The following BICD1 variants were observed in gnomAD, a reference collection of about 807,000 sequenced individuals.
The protein encoded by BICD1 is BICD cargo adaptor 1, also known as protein bicaudal D homolog 1.
A neutral mutation model predicts 92.5 loss-of-function variants in BICD1; 35 were observed. The observed-to-expected ratio is 0.38, with a 90% confidence interval of 0.29 to 0.50. The LOEUF (loss-of-function observed/expected upper bound fraction) is 0.50, where lower values mean the gene tolerates loss of function less well. BICD1 is among the 20% of genes least tolerant of loss of function. The pLI, the probability that BICD1 is intolerant of heterozygous loss-of-function variation, is 0.93. For synonymous variants in BICD1, 429 were observed against 465.1 expected (o/e 0.92, Z 1.00); for missense variants, 950 against 1,189.8 (o/e 0.80, Z 2.97).
intron 2 of BICD1, among the ~76,000 whole-genome samples, chr12:32,288,437 G>T: frequency 6.6e-6 from 1 of 151,746 alleles, no homozygotes; most frequent in East Asian, 1.9e-4. Context: ...TAATCTTCTG[G>T]ATGGGGCTCA....
chr12:32,195,746 G>A (rs1458006301), intron 1 of BICD1, among the ~76,000 whole-genome samples: 1 of 151,994 alleles, frequency 6.6e-6, no homozygotes, highest in East Asian at 1.9e-4. Context: ...GACAACAAAA[G>A]CACAGGCAAC....
chr12:32,308,158 A>T (rs1370108022), intron 4 of BICD1, among the ~76,000 whole-genome samples: 2 of 152,264 alleles, frequency 1.3e-5, no homozygotes, highest in Non-Finnish European at 2.9e-5. Flanking sequence ...GTAAGTACTC[A>T]GCTGGAGACT....
At chr12:32,192,453 A>AATAGATAGATAGATAG (rs66461342) in intron 1 of BICD1, among the ~76,000 whole-genome samples, 1 of 149,068 alleles carries the variant, frequency 6.7e-6, no homozygotes, top group Non-Finnish European at 1.5e-5. Flanking sequence ...TAAATAAATA[A>AATAGATAGATAGATAG]ATAGATAGAT....
At chr12:32,257,861 T>C (rs1377088023) in intron 2 of BICD1, among the ~76,000 whole-genome samples, 1 of 152,200 alleles carries the variant, frequency 6.6e-6, no homozygotes, top group Non-Finnish European at 1.5e-5. Flanking sequence ...ATATATATAA[T>C]ATATAGATGA....
At chr12:32,192,852 G>C (rs1000428290) in intron 1 of BICD1, among the ~76,000 whole-genome samples, 2 of 152,216 alleles carry the variant, frequency 1.3e-5, no homozygotes. Flanking sequence ...CAGCAAGAGA[G>C]CTAGAATTAG....
At chr12:32,197,540 G>A (rs1445733793) in intron 1 of BICD1, among the ~76,000 whole-genome samples, 3 of 152,174 alleles carry the variant, frequency 2.0e-5, no homozygotes, top group Admixed American at 2.0e-4. Context: ...TAAAGTGGAG[G>A]AAGTAACTGA....
At chr12:32,157,376 T>C (rs1943471274) in intron 1 of BICD1, among the ~76,000 whole-genome samples, 1 of 152,194 alleles carries the variant, frequency 6.6e-6, no homozygotes, top group Non-Finnish European at 1.5e-5. Flanking sequence ...TTACCCTCTA[T>C]TGAAGGGATG....
intron 1 of BICD1, among the ~76,000 whole-genome samples, chr12:32,143,115 C>T (rs1942998254): frequency 6.6e-6 from 1 of 152,100 alleles, no homozygotes; most frequent in Non-Finnish European, 1.5e-5. Flanking sequence ...TCTATATAAC[C>T]TTTCTGAAAA....
At chr12:32,295,081 C>T (rs1189822057) in intron 3 of BICD1, among the ~76,000 whole-genome samples, 3 of 41,888 alleles carry the variant, frequency 7.2e-5, no homozygotes, top group Non-Finnish European at 9.8e-5. Flanking sequence ...GATTCCGTCT[C>T]GAAAAAAAAA....
At chr12:32,220,204 C>T (rs1417046692) in intron 2 of BICD1, among the ~76,000 whole-genome samples, 3 of 152,154 alleles carry the variant, frequency 2.0e-5, no homozygotes, top group African/African-American at 7.2e-5. Flanking sequence ...ATGTATAAAA[C>T]ACCAAAAGCA....
At chr12:32,357,442 G>A (rs1004976646) in intron 8 of BICD1, among the ~76,000 whole-genome samples, 1 of 152,042 alleles carries the variant, frequency 6.6e-6, no homozygotes, top group Non-Finnish European at 1.5e-5. Context: ...AGAGAATTTG[G>A]GCTGTTCTTG....
intron 2 of BICD1, among the ~76,000 whole-genome samples, chr12:32,258,960 T>C (rs140186199): frequency 0.011 from 1,611 of 152,226 alleles, 18 homozygotes; most frequent in African/African-American, 0.027. Context: ...AAGAAGCTGG[T>C]GGAGCAGAGT....
In BICD1 at chr12:32,380,053, C is replaced by A. The variant is rs1419722463; in HGVS notation, c.*2426C>A. On this transcript the variant is annotated 3_prime_UTR_variant, in exon 10 of 10. Coordinates refer to ENST00000652176, the MANE Select transcript of BICD1 (RefSeq NM_001714.4). Reference sequence around the variant, plus strand: ...CTTCATAGAGTGGGAAAGTCTTTTTCTGAAATACTAATTCTATGAAAATAA... The same window carrying A: ...CTTCATAGAGTGGGAAAGTCTTTTTATGAAATACTAATTCTATGAAAATAA... The A allele has an allele frequency of 2.0e-5, 3 of 152,106 alleles. No homozygotes were observed. Among genetic ancestry groups the A allele is most frequent in the Admixed American group, 6.6e-5 (1 of 15,254 alleles). 9.4% of individuals were successfully genotyped at this position (152,106 alleles called of 1,614,324 possible).
intron 8 of BICD1, among the ~76,000 whole-genome samples, chr12:32,347,202 C>A (rs1254995140): frequency 1.3e-5 from 2 of 151,704 alleles, no homozygotes; most frequent in Non-Finnish European, 2.9e-5. Context: ...CCTCCTGCCT[C>A]AGCCTTCCAA....
intron 9 of BICD1, among the ~76,000 whole-genome samples, chr12:32,371,889 T>TA (rs1221455679): frequency 2.6e-5 from 4 of 152,142 alleles, no homozygotes; most frequent in Non-Finnish European, 4.4e-5. Flanking sequence ...CACCTGGTCT[T>TA]ACACCCATTT....
chr12:32,274,752 C>T (rs973690080), intron 2 of BICD1, among the ~76,000 whole-genome samples: 1 of 152,138 alleles, frequency 6.6e-6, no homozygotes, highest in Admixed American at 6.5e-5. Context: ...TTAGAAGTAG[C>T]AAAGCATAGT....
In BICD1 at chr12:32,118,091, A is replaced by ATTTTATTTTATTTTATTTTATTT. The variant is rs1555126592; in HGVS notation, c.213+10551_213+10552insATTTTATTTTATTTTATTTTTTT. On this transcript the variant is annotated intron_variant, in intron 1 of 9. Transcript: ENST00000652176. ...TATTTTATTTTATTTTATTTTATTT[A>ATTTTATTTTATTTTATTTTATTT]TTTTTTTTGAGATGGAGTCTCACTC... Among the ~76,000 whole-genome samples, 42 of 46,870 alleles carry ATTTTATTTTATTTTATTTTATTT rather than the reference A, an allele frequency of 9.0e-4. 1 individual carries two copies. Among genetic ancestry groups the ATTTTATTTTATTTTATTTTATTT allele is most frequent in the African/African-American group, 1.9e-3 (29 of 14,968 alleles). The allele number at this position is 46,870 out of a possible 152,430, so 30.7% of individuals were successfully genotyped here. A position where few individuals can be genotyped will look rare whatever the true frequency, so the allele number is the denominator to read the frequency against.
chr12:32,252,015 T>TATTATATATTTATAATATATATTTATAAG (rs1344963798), intron 2 of BICD1, among the ~76,000 whole-genome samples: 1 of 47,798 alleles, frequency 2.1e-5, no homozygotes, highest in African/African-American at 6.5e-5. Flanking sequence ...ATATTTATAA[T>TATTATATATTTATAATATATATTTATAAG]AAATATCATA....
chr12:32,246,310 G>GAA (rs398055471), intron 2 of BICD1, among the ~76,000 whole-genome samples: 34,261 of 101,380 alleles, frequency 0.34, 6,119 homozygotes, highest in Non-Finnish European at 0.44. Flanking sequence ...AACCCATCAG[G>GAA]AAAAAAAAAA....
Sources: gnomAD v4.1 joint callset for allele counts (sites outside exome capture counted in the v4.1 genomes callset) on GRCh38, gnomAD v4.1.1 for gene constraint, MANE v1.5 for transcripts, NCBI Gene and HGNC (gene_info 2026-07-23, HGNC 2026-07-21) for gene names.